The following CYP7A1 variants were observed in gnomAD, a reference collection of about 807,000 sequenced individuals.
The protein encoded by CYP7A1 is cytochrome P450 family 7 subfamily A member 1.
Under a neutral mutation model 43.8 loss-of-function variants are expected in CYP7A1, and 28 were observed. That is an observed-to-expected ratio of 0.64 (90% CI 0.47 to 0.88). The LOEUF (loss-of-function observed/expected upper bound fraction) is 0.88. Among genes scored for constraint, CYP7A1 ranks in the 40% least tolerant of loss-of-function variants. CYP7A1 has a pLI of 0.00. For synonymous variants in CYP7A1, 227 were observed against 222.5 expected, an observed-to-expected ratio of 1.02 and a Z score of -0.18; for missense variants, 637 against 611.9, an observed-to-expected ratio of 1.04 and a Z score of -0.43.
chr8:58,495,453 C>T (rs1459101461), intron 3 of CYP7A1, among the ~76,000 whole-genome samples: 2 of 152,124 alleles, frequency 1.3e-5, no homozygotes, highest in African/African-American at 4.8e-5. Flanking sequence ...TGGTCTCGAT[C>T]TCCTGACCTT....
Position 58,491,299 on chromosome 8 carries a change from G to A in CYP7A1, c.*176C>T, listed in dbSNP as rs1277323086. The A allele has an allele frequency of 1.9e-5, 12 of 638,170 alleles. No individual in the cohort carries two copies. The highest frequency in any genetic ancestry group is 2.8e-5 in the Non-Finnish European group (10 of 363,168). 39.5% of individuals were successfully genotyped at this position (638,170 alleles called of 1,614,324 possible). A position where few individuals can be genotyped will look rare whatever the true frequency, so the allele number is the denominator to read the frequency against. ...CTTTTCACTAGCAGAGTCTGTGATA[G>A]CATCTGGAAACTGTCACCAAAATGT... On this transcript the variant is annotated 3_prime_UTR_variant, in exon 6 of 6. Coordinates refer to ENST00000301645, the MANE Select transcript of CYP7A1 (RefSeq NM_000780.4).
chr8:58,493,732 G>T (rs907981199), intron 4 of CYP7A1, among the ~76,000 whole-genome samples: 1 of 152,188 alleles, frequency 6.6e-6, no homozygotes, highest in Non-Finnish European at 1.5e-5. Flanking sequence ...GGGTGCGGTG[G>T]CTCATGCCTG....
Position 58,492,540 on chromosome 8 carries a change from A to C in CYP7A1, c.1040-12T>G. ...CTTGATTATACTATCTAAACATTTT[A>C]AAAGAAAAAAAGATAAAAAATGAAA... On this transcript the variant is annotated splice_polypyrimidine_tract_variant and intron_variant, in intron 4 of 5. Transcript: ENST00000301645. 1.2e-6 allele frequency: 2 copies of C among 1,604,330 alleles called. No individual in the cohort carries two copies. The highest frequency in any genetic ancestry group is 2.2e-5 in the South Asian group (2 of 90,720).
chr8:58,493,582 A>C (rs2129605805), intron 4 of CYP7A1, among the ~76,000 whole-genome samples: 1 of 152,346 alleles, frequency 6.6e-6, no homozygotes, highest in Non-Finnish European at 1.5e-5. Context: ...AGATAAGAAA[A>C]GTAAGGCCCC....
chr8:58,495,125 C>G (rs1286119842), intron 3 of CYP7A1, among the ~76,000 whole-genome samples: 2 of 150,230 alleles, frequency 1.3e-5, no homozygotes, highest in African/African-American at 4.9e-5. Context: ...CAGAGCAAGA[C>G]TCTGTCTCGA....
chr8:58,496,946 C>A lies in CYP7A1; in HGVS notation c.566G>T (p.Gly189Val). Residue 189 changes from glycine to valine, a missense_variant, in exon 3 of 6, where the codon GGC (glycine) becomes GTC (valine). Transcript: ENST00000301645. ...MFEAGYLTIFGRDLTRRDTQK... is the reference protein window; with the variant it reads ...MFEAGYLTIFVRDLTRRDTQK... Reference sequence around the variant, plus strand: ...TGTGTCCCGCCTTGTAAGATCTCTGCCAAAGATAGTTAAATACCCAGCTTC... The same window carrying A: ...TGTGTCCCGCCTTGTAAGATCTCTGACAAAGATAGTTAAATACCCAGCTTC... 4 of 1,614,124 alleles carry A rather than the reference C, an allele frequency of 2.5e-6. No homozygotes were observed. The highest frequency in any genetic ancestry group is 3.4e-6 in the Non-Finnish European group (4 of 1,180,002).
rs1012727318 is a variant in CYP7A1 at position 58,492,372 on chromosome 8, T to C, written c.1196A>G (p.Glu399Gly). 1 of 1,614,028 alleles carries C rather than the reference T, an allele frequency of 6.2e-7. No homozygotes were observed. The highest frequency in any genetic ancestry group is 8.5e-7 in the Non-Finnish European group (1 of 1,179,914). Reference sequence around the variant, plus strand: ...ACTTACCAAAGGGTCTGGGTAGATTTCTGGATCTAAGTGCATTAACTGTGG... The same window carrying C: ...ACTTACCAAAGGGTCTGGGTAGATTCCTGGATCTAAGTGCATTAACTGTGG... ...LYPQLMHLDPEIYPDPLTFKY... is the reference protein window; with the variant it reads ...LYPQLMHLDPGIYPDPLTFKY... The change falls in exon 5 of 6, where the codon GAA becomes GGA. Residue 399 changes from glutamate (E) to glycine (G), a missense_variant. By Grantham distance (98) the Glu-to-Gly change is moderately conservative. Coordinates refer to ENST00000301645, the MANE Select transcript of CYP7A1 (RefSeq NM_000780.4).
chr8:58,491,668 G>C lies in CYP7A1; in HGVS notation c.1322C>G (p.Ala441Gly). 6.2e-7 allele frequency: 1 copy of C among 1,614,092 alleles called. No homozygotes were observed. The highest frequency in any genetic ancestry group is 8.5e-7 in the Non-Finnish European group (1 of 1,179,970). ...KYYYMPFGSG[A>G]TICPGRLFAI... ...GAACAATCTTCCAGGACATATTGTA[G>C]CTCCCGATCCAAAGGGCATGTAGTA... The change falls in exon 6 of 6, where the codon GCT (alanine) becomes GGT (glycine). Residue 441 changes from alanine (A) to glycine (G), a missense_variant. By Grantham distance (60) the Ala-to-Gly change is moderately conservative (BLOSUM62 0). Transcript: ENST00000301645.
rs1192023640 is a variant in CYP7A1 at position 58,491,193 on chromosome 8, A to G, written c.*282T>C. ...ATAAAGGTGTTTTCCTTTGAAAATA[A>G]TAAACTTCAATCCCTGGCTATATGA... On this transcript the variant is annotated 3_prime_UTR_variant, in exon 6 of 6. Coordinates refer to ENST00000301645, the MANE Select transcript of CYP7A1 (RefSeq NM_000780.4). The G allele has an allele frequency of 2.5e-6, 1 of 397,174 alleles. No individual in the cohort carries two copies. The highest frequency in any genetic ancestry group is 2.0e-5 in the African/African-American group (1 of 49,934). 24.6% of individuals were successfully genotyped at this position (397,174 alleles called of 1,614,324 possible).
At chr8:58,493,770 C>T (rs548699202) in intron 4 of CYP7A1, among the ~76,000 whole-genome samples, 12 of 152,162 alleles carry the variant, frequency 7.9e-5, no homozygotes, top group Admixed American at 1.3e-4. Flanking sequence ...GAGGCCGAGG[C>T]GGGCAGATCA....
Position 58,491,730 on chromosome 8 carries a change from C to T in CYP7A1, c.1260G>A (p.Lys420=), listed in dbSNP as rs554746594. 1.2e-6 allele frequency: 2 copies of T among 1,613,590 alleles called. No homozygotes were observed. The highest frequency in any genetic ancestry group is 2.2e-5 in the South Asian group (2 of 91,056). The change falls in exon 6 of 6, where the codon AAG becomes AAA. Residue 420 remains lysine (K), a synonymous_variant. Transcript: ENST00000301645. ...DRYLDENGKT[K]TTFYCNGLKL... The stretch of plus-strand genomic sequence containing the variant: ...TGAGTCCATTACAATAGAAGGTAGT[C>T]TTTGTCTTCCCGTTTTCATCAAGAT...
Position 58,491,349 on chromosome 8 carries a change from G to A in CYP7A1, c.*126C>T, listed in dbSNP as rs1168945628. The A allele has an allele frequency of 1.1e-6, 1 of 905,586 alleles. No homozygotes were observed. Among genetic ancestry groups the A allele is most frequent in the African/African-American group, 1.7e-5 (1 of 60,468 alleles). The allele number at this position is 905,586 out of a possible 1,614,324, so 56.1% of individuals were successfully genotyped here. On this transcript the variant is annotated 3_prime_UTR_variant, in exon 6 of 6. Coordinates refer to ENST00000301645, the MANE Select transcript of CYP7A1 (RefSeq NM_000780.4). ...TTAAGATTCACAAGCAAGCACTGGT[G>A]AACAACATTGGACCTGGTGAATCAT...
intron 3 of CYP7A1, among the ~76,000 whole-genome samples, chr8:58,495,516 T>C (rs1013475566): frequency 6.6e-5 from 10 of 152,278 alleles, no homozygotes; most frequent in African/African-American, 9.6e-5. Context: ...GCGTGAGCCA[T>C]TGCGCCCGGC....
intron 4 of CYP7A1, 151 bp downstream of exon 4, chr8:58,494,355 T>A: frequency 1.2e-6 from 1 of 812,172 alleles, no homozygotes; most frequent in Non-Finnish European, 2.0e-6. Flanking sequence ...CAGTCCCAAG[T>A]CACAGGACAG....
rs561353327 is a variant in CYP7A1 at position 58,494,722 on chromosome 8, C to G, written c.909-86G>C. 4 of 1,299,828 alleles carry G rather than the reference C, an allele frequency of 3.1e-6. No individual in the cohort carries two copies. The South Asian group carries it at 3.6e-5, about 12-fold the overall frequency. The allele number at this position is 1,299,828 out of a possible 1,614,324, so 80.5% of individuals were successfully genotyped here. On this transcript the variant is annotated intron_variant, in intron 3 of 5. Coordinates refer to ENST00000301645, the MANE Select transcript of CYP7A1 (RefSeq NM_000780.4). The stretch of plus-strand genomic sequence containing the variant: ...ATCTGCAAACAAATAGGCCTTTCCC[C>G]CTTCTTTTAACTAGATGGTGAAGAT...
rs1809352267 is a variant in CYP7A1, at chr8:58,491,637, G to C, written c.1353C>G (p.Ile451Met). ...GAATCAAAAATTGCTTGATTTCGTG[G>C]ATAGCGAACAATCTTCCAGGACATA... is the stretch of plus-strand genomic sequence containing the variant. ...ATICPGRLFA[I>M]HEIKQFLILM... Residue 451 changes from isoleucine (I) to methionine (M), a missense_variant, in exon 6 of 6, where the codon ATC becomes ATG. Ile to Met is a conservative substitution (Grantham distance 10). Coordinates refer to ENST00000301645, the MANE Select transcript of CYP7A1 (RefSeq NM_000780.4). 1 of 1,614,138 alleles carries C rather than the reference G, an allele frequency of 6.2e-7. No individual in the cohort carries two copies. The highest frequency in any genetic ancestry group is 8.5e-7 in the Non-Finnish European group (1 of 1,180,022).
chr8:58,496,535 A>T, intron 3 of CYP7A1, 69 bp downstream of exon 3: 2 of 1,289,706 alleles, frequency 1.6e-6, no homozygotes, highest in Non-Finnish European at 2.2e-6. Flanking sequence ...TTTTTTTCTT[A>T]AAGTTAAAGT....
chr8:58,499,848 T>C (rs564210114), intron 1 of CYP7A1, among the ~76,000 whole-genome samples, 171 bp downstream of exon 1: 1 of 152,134 alleles, frequency 6.6e-6, no homozygotes, highest in Non-Finnish European at 1.5e-5. Flanking sequence ...TTGTGAGATA[T>C]AGTAAAAAAG....
rs189449882 is a variant in CYP7A1 at position 58,499,401 on chromosome 8, T to C, written c.80+618A>G. On this transcript the variant is annotated intron_variant, in intron 1 of 5. Coordinates refer to ENST00000301645, the MANE Select transcript of CYP7A1 (RefSeq NM_000780.4). ...GTTAAATAAACTATGGTTCTGGATC[T>C]GACTGTATTTGTTTTTCTTGCATTC... 1.2e-4 allele frequency among the ~76,000 whole-genome samples: 18 copies of C among 152,342 alleles called. 1 individual carries two copies. The South Asian group carries it at 3.7e-3, about 32-fold the overall frequency.
Sources: allele counts gnomAD v4.1 joint callset (sites outside exome capture counted in the v4.1 genomes callset), GRCh38; gene constraint gnomAD v4.1.1; transcripts MANE v1.5; gene names NCBI Gene and HGNC (gene_info 2026-07-23, HGNC 2026-07-21).